The following ELF2 variants were observed in gnomAD, a reference collection of about 807,000 sequenced individuals.
ELF2 encodes the protein ETS-related transcription factor Elf-2.
Under a neutral mutation model 54.8 loss-of-function variants are expected in ELF2, and 11 were observed. That is an observed-to-expected ratio of 0.20 (90% CI 0.13 to 0.33). The LOEUF is 0.33. Among genes scored for constraint, ELF2 ranks in the 10% least tolerant of loss-of-function variants. The probability of loss-of-function intolerance (pLI) is 1.00; values close to 1 mark genes in which losing one functional copy is unlikely to be tolerated. For missense variants in ELF2, 513 were observed against 703.0 expected, an observed-to-expected ratio of 0.73 and a Z score of 3.06; for synonymous variants, 203 against 245.1, an observed-to-expected ratio of 0.83 and a Z score of 1.61.
intron 7 of ELF2, among the ~76,000 whole-genome samples, chr4:139,064,290 G>A (rs1728347832): frequency 6.6e-6 from 1 of 152,282 alleles, no homozygotes; most frequent in African/African-American, 2.4e-5. Context: ...CGCACTGCCT[G>A]AGCGACAGAA....
chr4:139,119,867 C>A (rs530106084), intron 4 of ELF2, among the ~76,000 whole-genome samples: 1 of 152,216 alleles, frequency 6.6e-6, no homozygotes, highest in Admixed American at 6.5e-5. Context: ...CTCCACCTCC[C>A]GGTTCAGGCA....
chr4:139,101,370 T>G (rs983795297), intron 4 of ELF2, among the ~76,000 whole-genome samples: 1 of 152,232 alleles, frequency 6.6e-6, no homozygotes, highest in Non-Finnish European at 1.5e-5. Flanking sequence ...GGACAACTCC[T>G]TATTCTTTTG....
chr4:139,123,623 C>T (rs1012593317), intron 4 of ELF2, among the ~76,000 whole-genome samples: 1 of 152,210 alleles, frequency 6.6e-6, no homozygotes, highest in Non-Finnish European at 1.5e-5. Flanking sequence ...AATTTACTAA[C>T]TTATGCAAAT....
intron 3 of ELF2, among the ~76,000 whole-genome samples, chr4:139,130,773 T>C (rs181903919): frequency 9.2e-5 from 14 of 152,344 alleles, no homozygotes; most frequent in African/African-American, 3.4e-4. Flanking sequence ...TAAGTACAGA[T>C]ATTTGTAGCT....
intron 1 of ELF2, among the ~76,000 whole-genome samples, chr4:139,164,826 T>C (rs1240019612): frequency 6.6e-6 from 1 of 152,240 alleles, no homozygotes; most frequent in African/African-American, 2.4e-5. Flanking sequence ...TGGCTTTTAC[T>C]GATGTGTCTG....
intron 1 of ELF2, 143 bp downstream of exon 1, chr4:139,176,824 A>C (rs1742999889): frequency 6.6e-6 from 1 of 151,950 alleles, no homozygotes; most frequent in African/African-American, 2.4e-5. Flanking sequence ...CAGCCGCCGG[A>C]AAACCCCTCC....
intron 3 of ELF2, among the ~76,000 whole-genome samples, chr4:139,134,560 T>G (rs555764437): frequency 1.0e-4 from 15 of 150,104 alleles, no homozygotes; most frequent in African/African-American, 2.9e-4. Flanking sequence ...TTGTTTTATT[T>G]TATGTTATTT....
At chr4:139,068,048 A>G (rs1469721725) in intron 6 of ELF2, among the ~76,000 whole-genome samples, 2 of 150,650 alleles carry the variant, frequency 1.3e-5, no homozygotes, top group Admixed American at 6.6e-5. Context: ...TTTTTTTGAG[A>G]CAGAGTCTTG....
At chr4:139,146,182 G>A (rs1335947195) in intron 1 of ELF2, among the ~76,000 whole-genome samples, 1 of 152,098 alleles carries the variant, frequency 6.6e-6, no homozygotes, top group African/African-American at 2.4e-5. Flanking sequence ...TAAAATCTTA[G>A]GTTACAAAGT....
intron 1 of ELF2, among the ~76,000 whole-genome samples, chr4:139,168,135 G>T (rs1240295150): frequency 6.6e-6 from 1 of 152,200 alleles, no homozygotes; most frequent in Non-Finnish European, 1.5e-5. Context: ...GTTAAGTAAA[G>T]AAATGTCTGT....
At chr4:139,101,515 T>C (rs1733872785) in intron 4 of ELF2, 1 of 152,252 alleles carries the variant, frequency 6.6e-6, no homozygotes, top group South Asian at 2.1e-4. Flanking sequence ...CCATTTCTTG[T>C]GGCCTCCAAA....
intron 4 of ELF2, among the ~76,000 whole-genome samples, chr4:139,124,021 T>C (rs1245265370): frequency 2.6e-5 from 4 of 152,066 alleles, no homozygotes; most frequent in Non-Finnish European, 4.4e-5. Context: ...ACGAAGCCCA[T>C]ATGAAGTCCT....
At chr4:139,137,469 C>T (rs928896783) in intron 3 of ELF2, 161 bp downstream of exon 3, 3 of 696,592 alleles carry the variant, frequency 4.3e-6, no homozygotes, top group Admixed American at 2.8e-5. Flanking sequence ...CCTTCCTTGA[C>T]CTTCTATTAC....
At chr4:139,171,948 C>G (rs1240511706) in intron 1 of ELF2, among the ~76,000 whole-genome samples, 1 of 152,062 alleles carries the variant, frequency 6.6e-6, no homozygotes, top group Non-Finnish European at 1.5e-5. Flanking sequence ...ATTAGAACAG[C>G]TATAATTAAA....
intron 1 of ELF2, among the ~76,000 whole-genome samples, chr4:139,156,206 C>T (rs1273481070): frequency 1.3e-5 from 2 of 151,710 alleles, no homozygotes; most frequent in African/African-American, 2.4e-5. Context: ...GACGGAGTCT[C>T]GCTCTGTTGC....
Position 139,137,420 on chromosome 4 carries a change from T to C in ELF2, c.72+210A>G, listed in dbSNP as rs576298148. On this transcript the variant is annotated intron_variant, in intron 3 of 9. Transcript: ENST00000686138. ...TTTCCTCCCTCCAAGTTCATTCTAA[T>C]ATATGTATGTTCCAACAATTCACGT... 667 of 593,258 alleles carry C rather than the reference T, an allele frequency of 1.1e-3. 2 individuals are homozygous for C. Among genetic ancestry groups the C allele is most frequent in the South Asian group, 1.8e-3 (85 of 47,050 alleles). The allele number at this position is 593,258 out of a possible 1,614,324, so 36.7% of individuals were successfully genotyped here.
At chr4:139,136,714 G>C (rs1164137922) in intron 3 of ELF2, 1 of 150,288 alleles carries the variant, frequency 6.7e-6, no homozygotes, top group Non-Finnish European at 1.5e-5. Context: ...GCACAGGCTG[G>C]AGTGCAGTGG....
At chr4:139,169,772 G>C (rs1420367066) in intron 1 of ELF2, among the ~76,000 whole-genome samples, 1 of 150,830 alleles carries the variant, frequency 6.6e-6, no homozygotes. Context: ...CAGGAGAATG[G>C]CGTGAACCCG....
At chr4:139,127,801 C>A (rs550039604) in intron 3 of ELF2, among the ~76,000 whole-genome samples, 1 of 152,074 alleles carries the variant, frequency 6.6e-6, no homozygotes, top group East Asian at 1.9e-4. Context: ...CCCATCCCTA[C>A]TAAAAATACG....
Sources: allele counts gnomAD v4.1 joint callset (sites outside exome capture counted in the v4.1 genomes callset), GRCh38; gene constraint gnomAD v4.1.1; transcripts MANE v1.5; gene names NCBI Gene and HGNC (gene_info 2026-07-23, HGNC 2026-07-21).